The following RADIL variants were observed in gnomAD, a reference collection of about 807,000 sequenced individuals.
The protein encoded by RADIL is ras-associating and dilute domain-containing protein.
Under a neutral mutation model 97.6 loss-of-function variants are expected in RADIL, and 99 were observed. That is an observed-to-expected ratio of 1.01 (90% CI 0.86 to 1.20). RADIL has a LOEUF of 1.20. Ranked by LOEUF, RADIL falls within the 50% of genes most tolerant of loss-of-function variation. The pLI, the probability that RADIL is intolerant of heterozygous loss-of-function variation, is 0.00. For missense variants in RADIL, 1,765 were observed against 1,498.9 expected (o/e 1.18, Z -2.93); for synonymous variants, 803 against 691.8 (o/e 1.16, Z -2.52).
rs1263234841 is a variant in RADIL, at chr7:4,842,707, T to G, written c.536-6102A>C. 6.6e-6 allele frequency among the ~76,000 whole-genome samples: 1 copy of G among 152,182 alleles called. No individual in the cohort carries two copies. Among genetic ancestry groups the G allele is most frequent in the Non-Finnish European group, 1.5e-5 (1 of 68,030 alleles). On this transcript the variant is annotated intron_variant, in intron 2 of 14. Transcript: ENST00000399583. This position sits in a 1 kb window ranked among gnomAD's most constrained non-coding sequence, Gnocchi z 4.5. ...CTCCCTGGCTCTTGATGGTTTGGAA[T>G]AATGATATATACAACTTGGAACCGT... is the stretch of plus-strand genomic sequence containing the variant.
At chr7:4,812,088 C>T (rs1228192986) in intron 9 of RADIL, among the ~76,000 whole-genome samples, 1 of 151,716 alleles carries the variant, frequency 6.6e-6, no homozygotes, top group East Asian at 2.0e-4. Flanking sequence ...ACCATGTTGC[C>T]CAGGCTGGTC....
Position 4,808,606 on chromosome 7 carries a change from T to C in RADIL, c.2140-2890A>G, listed in dbSNP as rs571079682. ...CCGAAGTCCTCACAGCTTGGCCCTT[T>C]ACAAGAAGCAGCCCCGCGGCCCTGG... is the stretch of plus-strand genomic sequence containing the variant. On this transcript the variant is annotated intron_variant, in intron 9 of 14. Coordinates refer to ENST00000399583, the MANE Select transcript of RADIL (RefSeq NM_018059.5). 2.9e-5 allele frequency: 29 copies of C among 985,290 alleles called. No individual in the cohort carries two copies. The African/African-American group carries it at 3.7e-4, about 12-fold the overall frequency. The allele number at this position is 985,290 out of a possible 1,614,324, so 61.0% of individuals were successfully genotyped here.
chr7:4,875,269 C>G (rs907054099), intron 2 of RADIL, among the ~76,000 whole-genome samples: 1 of 142,270 alleles, frequency 7.0e-6, no homozygotes, highest in Non-Finnish European at 1.5e-5. Flanking sequence ...TGGTGCATGC[C>G]GTAATCCCAG....
chr7:4,805,918 G>A (rs1782292038), intron 9 of RADIL: 3 of 985,272 alleles, frequency 3.0e-6, no homozygotes, highest in East Asian at 2.3e-4. Context: ...GCTCCAGGGA[G>A]AGGCCGGCCA....
At chr7:4,877,026 G>A (rs1302458302) in intron 2 of RADIL, among the ~76,000 whole-genome samples, 5 of 152,228 alleles carry the variant, frequency 3.3e-5, no homozygotes, top group Non-Finnish European at 7.3e-5. Flanking sequence ...TCAATGAGAT[G>A]ACTGCTGGAG....
intron 2 of RADIL, among the ~76,000 whole-genome samples, chr7:4,866,944 A>G (rs1160597560): frequency 6.6e-6 from 1 of 152,214 alleles, no homozygotes; most frequent in East Asian, 1.9e-4. Context: ...TTCCAAGAAC[A>G]GTAGGCTGCT....
At chr7:4,802,692 C>A (rs1275155635) in intron 11 of RADIL, among the ~76,000 whole-genome samples, 84 of 98,068 alleles carry the variant, frequency 8.6e-4, no homozygotes, top group African/African-American at 2.2e-3. Context: ...TACCTCGGGG[C>A]ACGCTGGCTG....
At chr7:4,831,357 A>G (rs1477356302) in intron 5 of RADIL, among the ~76,000 whole-genome samples, 1 of 152,044 alleles carries the variant, frequency 6.6e-6, no homozygotes, top group Non-Finnish European at 1.5e-5. Flanking sequence ...CAGAGAGGTG[A>G]GCAACAGACA....
chr7:4,818,475 G>GC lies in RADIL; in HGVS notation c.1616-1125dup, dbSNP rs1436660819. 1.3e-5 allele frequency among the ~76,000 whole-genome samples: 2 copies of GC among 152,102 alleles called. No individual in the cohort carries two copies. Among genetic ancestry groups the GC allele is most frequent in the East Asian group, 1.9e-4 (1 of 5,154 alleles). On this transcript the variant is annotated intron_variant, in intron 6 of 14. Transcript: ENST00000399583. The surrounding 1 kb of genome is among the most constrained non-coding windows in gnomAD (Gnocchi z 7.1). ...AGCCCGCTCCCCAAGAACCTGTGAA[G>GC]CCCCCCAGTGCCTGCCCCACAGGGT...
rs754567001 is a variant in RADIL, at chr7:4,872,162, G to A, written c.535+5443C>T. 1.3e-5 allele frequency among the ~76,000 whole-genome samples: 2 copies of A among 152,100 alleles called. No homozygotes were observed. The highest frequency in any genetic ancestry group is 6.5e-5 in the Admixed American group (1 of 15,276). ...CCAGTGGGCAGGGGCTCGTGTGGCCGAGTCCAGGCAGCCAGGTCCAATACT... is the reference window on the plus strand; with the variant it reads ...CCAGTGGGCAGGGGCTCGTGTGGCCAAGTCCAGGCAGCCAGGTCCAATACT... On this transcript the variant is annotated intron_variant, in intron 2 of 14. Transcript: ENST00000399583. This position sits in a 1 kb window ranked among gnomAD's most constrained non-coding sequence, Gnocchi z 5.8.
At chr7:4,805,230 C>G (rs1363654320) in intron 10 of RADIL, 2 of 329,476 alleles carry the variant, frequency 6.1e-6, no homozygotes, top group Middle Eastern at 8.1e-4. Context: ...GGCTGTGTAC[C>G]ACCATTGCTC....
At chr7:4,844,256 C>T (rs1224513451) in intron 2 of RADIL, among the ~76,000 whole-genome samples, 1 of 151,946 alleles carries the variant, frequency 6.6e-6, no homozygotes, top group Admixed American at 6.6e-5. Context: ...CCATCCTGGC[C>T]AACATGGTAA....
Position 4,819,813 on chromosome 7 carries a change from C to T in RADIL, c.1616-2462G>A, listed in dbSNP as rs1782780188. 6.6e-6 allele frequency among the ~76,000 whole-genome samples: 1 copy of T among 152,222 alleles called. No individual in the cohort carries two copies. Among genetic ancestry groups the T allele is most frequent in the East Asian group, 1.9e-4 (1 of 5,184 alleles). On this transcript the variant is annotated intron_variant, in intron 6 of 14. Coordinates refer to ENST00000399583, the MANE Select transcript of RADIL (RefSeq NM_018059.5). This position sits in a 1 kb window ranked among gnomAD's most constrained non-coding sequence, Gnocchi z 5.8. ...TCCCTGGTGCCTGCCTGGCCCTCGA[C>T]ACCCGGAGCCTGCAGGCATCCCTGG...
chr7:4,802,387 C>A (rs1300386359), intron 11 of RADIL, among the ~76,000 whole-genome samples: 6 of 142,404 alleles, frequency 4.2e-5, no homozygotes, highest in Admixed American at 1.4e-4. Context: ...TCCCCGGGTA[C>A]CTCGGGGCAC....
At chr7:4,836,074 TGAG>T (rs932159390) in intron 3 of RADIL, among the ~76,000 whole-genome samples, 2 of 152,096 alleles carry the variant, frequency 1.3e-5, no homozygotes, top group African/African-American at 4.8e-5. Context: ...TGGGAAGGCG[TGAG>T]GAGTTCTCCC....
intron 9 of RADIL, chr7:4,808,684 C>G (rs867412718): frequency 1.2e-6 from 1 of 846,618 alleles, no homozygotes; most frequent in South Asian, 5.5e-5. Context: ...CGCCACTGCC[C>G]CCGTTCCAAC....
intron 9 of RADIL, among the ~76,000 whole-genome samples, chr7:4,810,823 C>G (rs1210047443): frequency 6.6e-6 from 1 of 152,196 alleles, no homozygotes; most frequent in African/African-American, 2.4e-5. Flanking sequence ...CAACCATTCT[C>G]ATGTGTTCGG....
chr7:4,856,187 T>G (rs1267120888), intron 2 of RADIL, among the ~76,000 whole-genome samples: 1 of 151,662 alleles, frequency 6.6e-6, no homozygotes, highest in Admixed American at 6.6e-5. Context: ...AACCTTCACC[T>G]CCTGGGTTCA....
Position 4,799,683 on chromosome 7 carries a change from C to G in RADIL, c.3069G>C (p.Gly1023=). ...TGCCATTCACCTCCAGGATACGGTC[C>G]CCCAGCGACAGGCGCCCGTCGGCCG... ...PAAADGRLSL[G]DRILEVNGSS... The change falls in exon 14 of 15, where the codon GGG becomes GGC. Residue 1023 remains glycine, a synonymous_variant. Transcript: ENST00000399583. The G allele has an allele frequency of 6.3e-7, 1 of 1,589,948 alleles. No homozygotes were observed. The highest frequency in any genetic ancestry group is 8.6e-7 in the Non-Finnish European group (1 of 1,169,558).
Sources: allele counts gnomAD v4.1 joint callset (sites outside exome capture counted in the v4.1 genomes callset), GRCh38; gene constraint gnomAD v4.1.1; non-coding constraint Gnocchi (gnomAD v3.1); transcripts MANE v1.5; gene names NCBI Gene and HGNC (gene_info 2026-07-23, HGNC 2026-07-21).